Variants in KALRN observed in about 807,000 individuals in gnomAD.
KALRN encodes the protein kalirin.
In KALRN, 70 loss-of-function variants were observed where a neutral mutation model predicts 353.7. The ratio of observed to expected loss-of-function variants is 0.20; its 90% confidence interval spans 0.16 to 0.24. KALRN has a LOEUF of 0.24. Among genes scored for constraint, KALRN ranks in the 10% least tolerant of loss-of-function variants. The probability of loss-of-function intolerance (pLI) is 1.00; values close to 1 mark genes in which losing one functional copy is unlikely to be tolerated. For missense variants in KALRN, 2,791 were observed against 3,756.7 expected (o/e 0.74, Z 6.72); for synonymous variants, 1,391 against 1,434.8 (o/e 0.97, Z 0.69).
chr3:124,122,550 A>G (rs563013732), intron 1 of KALRN, among the ~76,000 whole-genome samples: 62 of 152,312 alleles, frequency 4.1e-4, no homozygotes, highest in African/African-American at 1.5e-3. Flanking sequence ...TCTATGTCAC[A>G]TTTTGGTAAT....
intron 11 of KALRN, among the ~76,000 whole-genome samples, chr3:124,388,909 ACTCTTGACTCCTTC>A (rs1330309740): frequency 1.5e-4 from 23 of 151,600 alleles, no homozygotes; most frequent in Admixed American, 1.4e-3. Flanking sequence ...GAGTTCATTA[ACTCTTGACTCCTTC>A]CTCTTGACTC....
intron 33 of KALRN, among the ~76,000 whole-genome samples, chr3:124,560,670 T>C (rs1401604312): frequency 2.0e-5 from 3 of 152,152 alleles, no homozygotes; most frequent in Admixed American, 6.5e-5. Flanking sequence ...AAGAAAAACA[T>C]AGTGAGACCA....
chr3:124,239,179 T>A (rs1485514529), intron 3 of KALRN, among the ~76,000 whole-genome samples: 1 of 152,138 alleles, frequency 6.6e-6, no homozygotes, highest in African/African-American at 2.4e-5. Flanking sequence ...GATCAGCTGA[T>A]GAATGTCCCT....
intron 34 of KALRN, among the ~76,000 whole-genome samples, chr3:124,607,211 C>T (rs1185327301): frequency 2.6e-5 from 4 of 152,184 alleles, no homozygotes; most frequent in Non-Finnish European, 5.9e-5. Flanking sequence ...TGGTATTCAG[C>T]CATCTGAAAC....
chr3:124,325,847 C>G, intron 6 of KALRN, 133 bp from the exon 7 acceptor site: 1 of 582,838 alleles, frequency 1.7e-6, no homozygotes, highest in South Asian at 3.6e-5. Context: ...AACAAATACA[C>G]TAGTATGGAC....
chr3:124,534,140 C>T (rs1181795189), intron 33 of KALRN, among the ~76,000 whole-genome samples: 1 of 152,032 alleles, frequency 6.6e-6, no homozygotes, highest in Non-Finnish European at 1.5e-5. Flanking sequence ...ACTGTCACAC[C>T]CAAGAGGATT....
chr3:124,477,183 C>T (rs2061506812), intron 26 of KALRN, 62 bp from the exon 27 acceptor site: 1 of 1,224,756 alleles, frequency 8.2e-7, no homozygotes, highest in East Asian at 2.3e-5. Flanking sequence ...GGTCCTTCAG[C>T]ATGGTGGACA....
intron 26 of KALRN, among the ~76,000 whole-genome samples, chr3:124,476,833 A>G (rs1182431554): frequency 2.6e-5 from 4 of 152,216 alleles, no homozygotes; most frequent in African/African-American, 7.2e-5. Context: ...CTCTGAGATA[A>G]TACTTCATCT....
At chr3:124,645,978 T>A (rs2082666778) in intron 37 of KALRN, among the ~76,000 whole-genome samples, 1 of 152,132 alleles carries the variant, frequency 6.6e-6, no homozygotes, top group Non-Finnish European at 1.5e-5. Flanking sequence ...TCTCTTATTT[T>A]TCATTTTTAT....
At chr3:124,099,415 T>A (rs2061681754) in intron 1 of KALRN, 2 of 152,192 alleles carry the variant, frequency 1.3e-5, no homozygotes, top group South Asian at 4.1e-4. Flanking sequence ...TGAGTAGTAT[T>A]CCATTGTGTA....
At chr3:124,380,852 A>G (rs997062284) in intron 10 of KALRN, among the ~76,000 whole-genome samples, 1 of 152,240 alleles carries the variant, frequency 6.6e-6, no homozygotes, top group East Asian at 1.9e-4. Flanking sequence ...TGAACATTGA[A>G]CATGAATTCT....
chr3:124,576,303 C>A (rs1291948698), intron 34 of KALRN, among the ~76,000 whole-genome samples: 1 of 152,026 alleles, frequency 6.6e-6, no homozygotes, highest in Admixed American at 6.6e-5. Context: ...GTGTTCATTG[C>A]CCTATCCCCA....
At chr3:124,158,887 C>T (rs1449698316) in intron 1 of KALRN, among the ~76,000 whole-genome samples, 1 of 152,178 alleles carries the variant, frequency 6.6e-6, no homozygotes, top group Non-Finnish European at 1.5e-5. Context: ...GTCCATGATG[C>T]ACACCCAACC....
chr3:124,175,066 G>A (rs1200988948), intron 1 of KALRN, among the ~76,000 whole-genome samples: 3 of 152,158 alleles, frequency 2.0e-5, no homozygotes, highest in Non-Finnish European at 4.4e-5. Flanking sequence ...AAAAATTAAT[G>A]TGGAGGATGA....
chr3:124,298,731 G>GT lies in KALRN; in HGVS notation c.970-56dup, dbSNP rs894822841. 57 of 1,600,584 alleles carry GT rather than the reference G, an allele frequency of 3.6e-5. No individual in the cohort carries two copies. The African/African-American group carries it at 6.6e-4, about 18-fold the overall frequency. On this transcript the variant is annotated intron_variant, in intron 5 of 59. Transcript: ENST00000682506. Reference sequence around the variant, plus strand: ...TTTTCCCCTTCCACTAGCTCTGAAAGTTTTGCCCTATTCGACCCATGACCA... The same window carrying GT: ...TTTTCCCCTTCCACTAGCTCTGAAAGTTTTTGCCCTATTCGACCCATGACCA...
chr3:124,588,693 T>C (rs951547722), intron 34 of KALRN, among the ~76,000 whole-genome samples: 2 of 152,184 alleles, frequency 1.3e-5, no homozygotes, highest in Admixed American at 1.3e-4. Flanking sequence ...CCCAAAGTAC[T>C]GGGATTACAG....
At chr3:124,368,160 C>A (rs1255434801) in intron 10 of KALRN, among the ~76,000 whole-genome samples, 4 of 81,186 alleles carry the variant, frequency 4.9e-5, no homozygotes, top group African/African-American at 1.5e-4. Context: ...CCACCTCCCT[C>A]CCGGACAGCA....
At position 124,496,012 on chromosome 3, in the gene KALRN, T is replaced by TATATAC. The variant is rs1345047394; in HGVS notation, c.4833-298_4833-297insTATACA. ...ATATATATATATATATATATATATA[T>TATATAC]ACACACACATATATACATACATACA... On this transcript the variant is annotated intron_variant, in intron 32 of 59. Coordinates refer to ENST00000682506, the MANE Select transcript of KALRN (RefSeq NM_001388419.1). Among the ~76,000 whole-genome samples, 140 of 43,622 alleles carry TATATAC rather than the reference T, an allele frequency of 3.2e-3. 2 individuals are homozygous for TATATAC. Among genetic ancestry groups the TATATAC allele is most frequent in the African/African-American group, 5.3e-3 (44 of 8,336 alleles). 28.6% of individuals were successfully genotyped at this position (43,622 alleles called of 152,430 possible). A position where few individuals can be genotyped will look rare whatever the true frequency, so the allele number is the denominator to read the frequency against.
intron 1 of KALRN, chr3:124,164,349 A>T (rs1030472016): frequency 6.6e-6 from 1 of 152,176 alleles, no homozygotes; most frequent in African/African-American, 2.4e-5. Context: ...CCAAATATAG[A>T]CTCAAAAAAT....
Sources: allele counts gnomAD v4.1 joint callset (sites outside exome capture counted in the v4.1 genomes callset), GRCh38; gene constraint gnomAD v4.1.1; transcripts MANE v1.5; gene names NCBI Gene and HGNC (gene_info 2026-07-23, HGNC 2026-07-21).